Variants in GP2 observed in about 807,000 individuals in gnomAD.
GP2 encodes glycoprotein 2, also known as pancreatic secretory granule membrane major glycoprotein GP2.
In GP2, 58 loss-of-function variants were observed where a neutral mutation model predicts 60.8. That is an observed-to-expected ratio of 0.95 (90% confidence interval 0.77 to 1.19). GP2 has a LOEUF of 1.19. GP2 is among the 50% of genes most tolerant of loss of function. The pLI is 0.00. For missense variants in GP2, 647 were observed against 667.4 expected, an observed-to-expected ratio of 0.97 and a Z score of 0.34; for synonymous variants, 280 against 253.4, an observed-to-expected ratio of 1.10 and a Z score of -1.00.
rs984862698 is a variant in GP2 at position 20,318,397 on chromosome 16, C to A, written c.1041G>T (p.Glu347Asp). ...SLNVSVDGNG[E>D]FIVRMALFQD... ...GGAAGAGGGCCATCCTGACAATGAA[C>A]TCTCCATTCCCGTCCACACTGACGT... The change falls in exon 7 of 11, where the codon GAG becomes GAT. Residue 347 changes from glutamate (E) to aspartate (D), a missense_variant. Physicochemically the swap from Glu to Asp is conservative, Grantham distance 45. Transcript: ENST00000302555. The A allele has an allele frequency of 1.9e-6, 3 of 1,613,372 alleles. No individual in the cohort carries two copies. The highest frequency in any genetic ancestry group is 1.7e-4 in the Middle Eastern group (1 of 6,060).
chr16:20,322,931 T>G lies in GP2; in HGVS notation c.584A>C (p.Glu195Ala). The change falls in exon 4 of 11, where the codon GAG becomes GCG. Residue 195 changes from glutamate to alanine, a missense_variant. Transcript: ENST00000302555. ...DKCEKACRPE[E>A]ECLALNSTWG... Reference sequence around the variant, plus strand: ...GGTGCTGTTGAGGGCAAGGCACTCCTCCTCGGGGCGGCAGGCCTTCTCACA... The same window carrying G: ...GGTGCTGTTGAGGGCAAGGCACTCCGCCTCGGGGCGGCAGGCCTTCTCACA... 1.2e-5 allele frequency: 19 copies of G among 1,613,322 alleles called. No homozygotes were observed. The highest frequency in any genetic ancestry group is 1.6e-5 in the Non-Finnish European group (19 of 1,179,314).
In GP2 at chr16:20,319,817, T is replaced by C. The variant is rs200628937; in HGVS notation, c.859-49A>G. 5 of 1,409,836 alleles carry C rather than the reference T, an allele frequency of 3.5e-6. No homozygotes were observed. The African/African-American group carries it at 4.2e-5, about 12-fold the overall frequency. The allele number at this position is 1,409,836 out of a possible 1,614,324, so 87.3% of individuals were successfully genotyped here. On this transcript the variant is annotated intron_variant, in intron 5 of 10. Coordinates refer to ENST00000302555, the MANE Select transcript of GP2 (RefSeq NM_001502.4). ...ACAGATGTTTATGTGTATGTGTATG[T>C]AGGTGTATCTCAAATCCAGATCTGA...
intron 2 of GP2, 155 bp downstream of exon 2, chr16:20,326,183 T>C: frequency 1.6e-6 from 1 of 627,094 alleles, no homozygotes; most frequent in Non-Finnish European, 2.8e-6. Context: ...TGATTTCCAT[T>C]GTTTCTCATT....
At chr16:20,317,098 T>TTC in intron 8 of GP2, 115 bp downstream of exon 8, 1 of 178,180 alleles carries the variant, frequency 5.6e-6, no homozygotes, top group East Asian at 1.4e-4. Context: ...TCCCTCCCTT[T>TTC]CCCCTCCCTC....
chr16:20,320,440 C>T lies in GP2; in HGVS notation c.680G>A (p.Gly227Glu). 6.2e-7 allele frequency: 1 copy of T among 1,613,938 alleles called. No individual in the cohort carries two copies. Among genetic ancestry groups the T allele is most frequent in the East Asian group, 2.2e-5 (1 of 44,872 alleles). ...VHSLQPQLDC[G>E]PREIKVKVDK... ...CACCTTCACCTTGATCTCCCTGGGC[C>T]CACAGTCTAGCTGAGGCTGCAAACT... The change falls in exon 5 of 11, where the codon GGG (glycine) becomes GAG (glutamate). Residue 227 changes from glycine (G) to glutamate (E), a missense_variant. Transcript: ENST00000302555.
intron 2 of GP2, 33 bp from the exon 3 acceptor site, chr16:20,324,289 T>A: frequency 7.0e-7 from 1 of 1,423,662 alleles, no homozygotes; most frequent in Non-Finnish European, 9.7e-7. Context: ...TTGGGTTTAC[T>A]GAGCAATGCC....
intron 8 of GP2, 143 bp downstream of exon 8, chr16:20,317,070 C>G: frequency 1.9e-6 from 1 of 525,290 alleles, no homozygotes; most frequent in Non-Finnish European, 3.2e-6. Context: ...TCCCCTTCCC[C>G]TTTCCCTTCT....
Position 20,319,620 on chromosome 16 carries a change from C to A in GP2, c.1007G>T (p.Ser336Ile). ...CAAAGGGCAAGGGTCAATGCCATAC[C>A]TTACAATGGGCTGCAAGGCAGCTTG... The part of the protein sequence containing the change: ...SLQAALQPIV[S>I]SLNVSVDGNG... Residue 336 changes from serine (S) to isoleucine (I), a missense_variant and splice_region_variant, in exon 6 of 11, where the codon AGT becomes ATT. Physicochemically the swap from Ser to Ile is moderately radical, Grantham distance 142 (BLOSUM62 -2). Coordinates refer to ENST00000302555, the MANE Select transcript of GP2 (RefSeq NM_001502.4). The A allele has an allele frequency of 6.2e-7, 1 of 1,610,774 alleles. No individual in the cohort carries two copies. The highest frequency in any genetic ancestry group is 1.1e-5 in the South Asian group (1 of 90,988).
intron 3 of GP2, chr16:20,323,362 G>A (rs1293426268): frequency 4.2e-6 from 3 of 718,428 alleles, no homozygotes; most frequent in Non-Finnish European, 7.8e-6. Flanking sequence ...CCTAACTGGG[G>A]TAATTAGGTA....
intron 2 of GP2, among the ~76,000 whole-genome samples, chr16:20,325,565 G>T (rs999237874): frequency 1.3e-5 from 2 of 152,180 alleles, no homozygotes; most frequent in African/African-American, 2.4e-5. Context: ...GTGATAATAT[G>T]TGTAAAATGC....
chr16:20,318,821 T>C (rs1484897554), intron 6 of GP2, among the ~76,000 whole-genome samples: 1 of 152,162 alleles, frequency 6.6e-6, no homozygotes, highest in African/African-American at 2.4e-5. Flanking sequence ...TAAATGGCTT[T>C]CATTTTGATT....
rs1319758896 is a variant in GP2 at position 20,319,534 on chromosome 16, T to C, written c.1007+86A>G. The C allele has an allele frequency of 4.4e-6, 4 of 913,938 alleles. No homozygotes were observed. In the South Asian group the frequency reaches 6.0e-5, roughly 14 times the overall value. 56.6% of individuals were successfully genotyped at this position (913,938 alleles called of 1,614,324 possible). A position where few individuals can be genotyped will look rare whatever the true frequency, so the allele number is the denominator to read the frequency against. ...CTCCTGGAGGAGGCTGGCAGTATGG[T>C]GTGGACATCATAGTCTGCACTTGAA... is the stretch of plus-strand genomic sequence containing the variant. On this transcript the variant is annotated intron_variant, in intron 6 of 10. Coordinates refer to ENST00000302555, the MANE Select transcript of GP2 (RefSeq NM_001502.4).
Position 20,311,141 on chromosome 16 carries a change from G to T in GP2, c.*82C>A. The T allele has an allele frequency of 1.2e-6, 1 of 845,094 alleles. No homozygotes were observed. The highest frequency in any genetic ancestry group is 2.1e-6 in the Non-Finnish European group (1 of 481,348). 52.3% of individuals were successfully genotyped at this position (845,094 alleles called of 1,614,324 possible). A position where few individuals can be genotyped will look rare whatever the true frequency, so the allele number is the denominator to read the frequency against. On this transcript the variant is annotated 3_prime_UTR_variant, in exon 11 of 11. Coordinates refer to ENST00000302555, the MANE Select transcript of GP2 (RefSeq NM_001502.4). ...TATTAATACCAAGCCTGTGTGAATT[G>T]GAGTGGAAAGCAGAAGTGCTGAAGG... is the stretch of plus-strand genomic sequence containing the variant.
At chr16:20,320,186 G>A in intron 5 of GP2, 76 bp downstream of exon 5, 1 of 1,112,342 alleles carries the variant, frequency 9.0e-7, no homozygotes, top group Non-Finnish European at 1.4e-6. Context: ...GCTTGTCCAA[G>A]ATCTCAGAGC....
Position 20,316,056 on chromosome 16 carries a change from A to T in GP2, c.1417-16T>A, listed in dbSNP as rs922129325. On this transcript the variant is annotated splice_polypyrimidine_tract_variant and intron_variant, in intron 8 of 10. Coordinates refer to ENST00000302555, the MANE Select transcript of GP2 (RefSeq NM_001502.4). The stretch of plus-strand genomic sequence containing the variant: ...TTGAGCAAGACTGTAGGGATGATGA[A>T]CTTTTATTATATCAAAATTTAAATG... 5.8e-6 allele frequency: 9 copies of T among 1,538,700 alleles called. No individual in the cohort carries two copies. The highest frequency in any genetic ancestry group is 8.1e-6 in the Non-Finnish European group (9 of 1,111,212).
In GP2 at chr16:20,315,822, G is replaced by T. The variant is rs546737766; in HGVS notation, c.1501+134C>A. ...TCATTATTACCCAAAGCATCTCAAA[G>T]AATAGGTTTTTCAGTAAGGGTCAGA... On this transcript the variant is annotated intron_variant, in intron 9 of 10. Transcript: ENST00000302555. 8 of 672,980 alleles carry T rather than the reference G, an allele frequency of 1.2e-5. No homozygotes were observed. In the Admixed American group the frequency reaches 1.4e-4, roughly 12 times the overall value. The allele number at this position is 672,980 out of a possible 1,614,324, so 41.7% of individuals were successfully genotyped here.
intron 6 of GP2, among the ~76,000 whole-genome samples, chr16:20,318,808 A>T (rs911524320): frequency 6.6e-6 from 1 of 152,190 alleles, no homozygotes; most frequent in African/African-American, 2.4e-5. Context: ...AATTTTAACA[A>T]GATAAATGGC....
chr16:20,327,513 T>A lies in GP2; in HGVS notation c.-83A>T. On this transcript the variant is annotated 5_prime_UTR_variant, in exon 1 of 11. Coordinates refer to ENST00000302555, the MANE Select transcript of GP2 (RefSeq NM_001502.4). ...TTCCTCCTCTGGCCAGCCATGGGAATGCAGCCTGCTGTGGGCCGTCTTTTT... is the reference window on the plus strand; with the variant it reads ...TTCCTCCTCTGGCCAGCCATGGGAAAGCAGCCTGCTGTGGGCCGTCTTTTT... The A allele has an allele frequency of 7.8e-7, 1 of 1,288,748 alleles. No individual in the cohort carries two copies. Among genetic ancestry groups the A allele is most frequent in the South Asian group, 1.2e-5 (1 of 81,006 alleles). 79.8% of individuals were successfully genotyped at this position (1,288,748 alleles called of 1,614,324 possible). A position where few individuals can be genotyped will look rare whatever the true frequency, so the allele number is the denominator to read the frequency against.
intron 7 of GP2, 88 bp from the exon 8 acceptor site, chr16:20,317,463 A>G: frequency 1.0e-6 from 1 of 989,688 alleles, no homozygotes; most frequent in Non-Finnish European, 1.5e-6. Flanking sequence ...CCATCATGAT[A>G]ACGTGGACTT....
Sources: gnomAD v4.1 joint callset for allele counts (sites outside exome capture counted in the v4.1 genomes callset) on GRCh38, gnomAD v4.1.1 for gene constraint, MANE v1.5 for transcripts, NCBI Gene and HGNC (gene_info 2026-07-23, HGNC 2026-07-21) for gene names.